PHKB: variants seen among roughly 807,000 people sequenced by gnomAD.
PHKB encodes phosphorylase kinase regulatory subunit beta.
PHKB carries 122 observed loss-of-function variants against 152.1 expected under a neutral mutation model. That is an observed-to-expected ratio of 0.80 (90% CI 0.69 to 0.93). The LOEUF (loss-of-function observed/expected upper bound fraction) is 0.93, where lower values mean the gene tolerates loss of function less well. Among genes scored for constraint, PHKB ranks in the 40% least tolerant of loss-of-function variants. PHKB has a pLI of 0.00. For synonymous variants in PHKB, 436 were observed against 464.9 expected, an observed-to-expected ratio of 0.94 and a Z score of 0.80; for missense variants, 1,304 against 1,328.4, an observed-to-expected ratio of 0.98 and a Z score of 0.29.
At position 47,610,914 on chromosome 16, in the gene PHKB, C is replaced by T; in HGVS notation, c.1452C>T (p.Ser484=). The change falls in exon 14 of 31, where the codon TCC becomes TCT. Residue 484 remains serine, a synonymous_variant. Transcript: ENST00000323584. ...AACGTAACGTGAGCATGAGGTTTTCCAATCAGGTAAAGAATTATTCTATTT... is the reference window on the plus strand; with the variant it reads ...AACGTAACGTGAGCATGAGGTTTTCTAATCAGGTAAAGAATTATTCTATTT... ...KDQRNVSMRF[S]NQGPLENDLV... is the part of the protein sequence containing the mutation. 1.9e-6 allele frequency: 3 copies of T among 1,549,578 alleles called. No individual in the cohort carries two copies. Among genetic ancestry groups the T allele is most frequent in the Non-Finnish European group, 2.7e-6 (3 of 1,121,122 alleles).
intron 6 of PHKB, among the ~76,000 whole-genome samples, chr16:47,545,874 G>C (rs1403181458): frequency 6.6e-6 from 1 of 151,958 alleles, no homozygotes; most frequent in African/African-American, 2.4e-5. Context: ...TCTTCCACTT[G>C]ATCGAATTGG....
intron 26 of PHKB, among the ~76,000 whole-genome samples, chr16:47,674,872 C>T (rs1429914108): frequency 6.6e-6 from 1 of 152,168 alleles, no homozygotes; most frequent in Non-Finnish European, 1.5e-5. Flanking sequence ...AAATCTTCCA[C>T]CTCCCCTAAG....
intron 27 of PHKB, among the ~76,000 whole-genome samples, chr16:47,691,943 C>G (rs1974068457): frequency 6.6e-6 from 1 of 152,124 alleles, no homozygotes; most frequent in African/African-American, 2.4e-5. Context: ...ACTCCAAAAA[C>G]ATATTTTTTA....
chr16:47,635,708 G>C (rs1445927550), intron 14 of PHKB, among the ~76,000 whole-genome samples: 3 of 152,192 alleles, frequency 2.0e-5, no homozygotes, highest in Non-Finnish European at 4.4e-5. Context: ...TCTGCTCTTT[G>C]AGAGGCAGGA....
intron 1 of PHKB, among the ~76,000 whole-genome samples, chr16:47,492,357 G>C (rs1399166719): frequency 6.6e-6 from 1 of 152,134 alleles, no homozygotes; most frequent in Non-Finnish European, 1.5e-5. Flanking sequence ...ATCATTCCTA[G>C]CCTAGTTAAA....
Position 47,547,469 on chromosome 16 carries a change from A to G in PHKB, c.631A>G (p.Arg211Gly). ...TCAAAACCTTGTATTTTGTGTGGAA[A>G]GAGTTTACCGTGTGCCTGACTTTGG... ...FIQNLVFCVERVYRVPDFGVW... is the reference protein window; with the variant it reads ...FIQNLVFCVEGVYRVPDFGVW... The change falls in exon 7 of 31, where the codon AGA (arginine) becomes GGA (glycine). Residue 211 changes from arginine to glycine, a missense_variant. Physicochemically the swap from Arg to Gly is moderately radical, Grantham distance 125. Transcript: ENST00000323584. 6.2e-7 allele frequency: 1 copy of G among 1,612,392 alleles called. No individual in the cohort carries two copies. The highest frequency in any genetic ancestry group is 1.1e-5 in the South Asian group (1 of 91,046).
At chr16:47,699,156 C>A in intron 30 of PHKB, 73 bp from the exon 31 acceptor site, 1 of 1,388,634 alleles carries the variant, frequency 7.2e-7, no homozygotes, top group Non-Finnish European at 1.0e-6. Context: ...TCCCCCTAAG[C>A]TGACACAGAT....
At chr16:47,683,739 C>T (rs558988781) in intron 26 of PHKB, among the ~76,000 whole-genome samples, 15 of 152,314 alleles carry the variant, frequency 9.8e-5, no homozygotes, top group East Asian at 7.7e-4. Context: ...CGCCCTGCTT[C>T]GGCTCGTGCA....
intron 1 of PHKB, chr16:47,464,210 G>T: frequency 1.8e-6 from 1 of 560,648 alleles, no homozygotes; most frequent in Non-Finnish European, 3.2e-6. Context: ...AGAGAGTGGA[G>T]TGCCTGCCCC....
Position 47,604,492 on chromosome 16 carries a change from T to G in PHKB, c.1364-6334T>G, listed in dbSNP as rs573698735. Reference sequence around the variant, plus strand: ...ATGAGGTTAAGGATCTGCATTTTCTTTTTCTCCAAATAGCTCATTTCATAA... The same window carrying G: ...ATGAGGTTAAGGATCTGCATTTTCTGTTTCTCCAAATAGCTCATTTCATAA... On this transcript the variant is annotated intron_variant, in intron 13 of 30. Coordinates refer to ENST00000323584, the MANE Select transcript of PHKB (RefSeq NM_000293.3). Among the ~76,000 whole-genome samples, 20 of 152,262 alleles carry G rather than the reference T, an allele frequency of 1.3e-4. 1 individual carries two copies. The South Asian group carries it at 3.1e-3, about 24-fold the overall frequency.
chr16:47,613,986 G>A (rs1323387591), intron 14 of PHKB, among the ~76,000 whole-genome samples: 1 of 152,026 alleles, frequency 6.6e-6, no homozygotes, highest in Non-Finnish European at 1.5e-5. Context: ...CCTGAGACTG[G>A]GTAATTTGTA....
chr16:47,636,093 G>A (rs778991168), intron 14 of PHKB, among the ~76,000 whole-genome samples: 1 of 152,188 alleles, frequency 6.6e-6, no homozygotes, highest in Non-Finnish European at 1.5e-5. Context: ...TTAATTGAGG[G>A]TTAAAGGATA....
chr16:47,696,331 G>A, intron 28 of PHKB, 50 bp from the exon 29 acceptor site: 1 of 904,118 alleles, frequency 1.1e-6, no homozygotes, highest in Non-Finnish European at 1.9e-6. Flanking sequence ...TATTAAATGA[G>A]AACCAGAGCA....
chr16:47,595,915 A>T (rs940526769), intron 12 of PHKB, among the ~76,000 whole-genome samples: 1 of 152,166 alleles, frequency 6.6e-6, no homozygotes. Flanking sequence ...TGCCTCCTGT[A>T]TAAGAATTCT....
chr16:47,668,903 T>G (rs934200756), intron 25 of PHKB, among the ~76,000 whole-genome samples: 1 of 152,234 alleles, frequency 6.6e-6, no homozygotes. Flanking sequence ...GAGTTTCTAG[T>G]ACTAAAGTCA....
intron 8 of PHKB, 83 bp from the exon 9 acceptor site, chr16:47,587,585 G>C (rs750165829): frequency 2.1e-6 from 2 of 939,388 alleles, no homozygotes; most frequent in Admixed American, 3.8e-5. Flanking sequence ...CAGTATTTTT[G>C]TGAAGTTTTC....
chr16:47,658,654 G>A (rs1484129868), intron 20 of PHKB, among the ~76,000 whole-genome samples: 6 of 152,214 alleles, frequency 3.9e-5, no homozygotes, highest in East Asian at 3.9e-4. Context: ...CATGTTTGTA[G>A]CCTAAGAGCA....
intron 6 of PHKB, among the ~76,000 whole-genome samples, chr16:47,543,033 T>C (rs1397769900): frequency 1.3e-5 from 2 of 152,128 alleles, no homozygotes; most frequent in South Asian, 2.1e-4. Flanking sequence ...ACTTCCAACA[T>C]TATGTTGAAT....
chr16:47,561,531 C>T (rs1971475946), intron 7 of PHKB: 1 of 152,144 alleles, frequency 6.6e-6, no homozygotes, highest in African/African-American at 2.4e-5. Flanking sequence ...TTTGTGAATG[C>T]ATTTTCTAGT....
Sources: allele counts gnomAD v4.1 joint callset (sites outside exome capture counted in the v4.1 genomes callset), GRCh38; gene constraint gnomAD v4.1.1; transcripts MANE v1.5; gene names NCBI Gene and HGNC (gene_info 2026-07-23, HGNC 2026-07-21).